CSMD3: variants seen among roughly 807,000 people sequenced by gnomAD.
CSMD3 encodes the protein CUB and Sushi multiple domains 3, also known as CUB and sushi domain-containing protein 3.
In CSMD3, 177 loss-of-function variants were observed where a neutral mutation model predicts 435.2. The ratio of observed to expected loss-of-function variants is 0.41; its 90% CI spans 0.36 to 0.46. CSMD3 has a LOEUF of 0.46. CSMD3 is among the 20% of genes least tolerant of loss of function. The pLI is 0.34. For synonymous variants in CSMD3, 1,656 were observed against 1,520.5 expected, an observed-to-expected ratio of 1.09 and a Z score of -2.07; for missense variants, 4,265 against 4,504.6, an observed-to-expected ratio of 0.95 and a Z score of 1.52.
chr8:112,855,587 G>A (rs1564028261), intron 11 of CSMD3, among the ~76,000 whole-genome samples: 1 of 151,884 alleles, frequency 6.6e-6, no homozygotes, highest in East Asian at 1.9e-4. Context: ...ATAGAGGGAT[G>A]AAAAAATAGA....
chr8:113,030,759 T>C (rs1055151719), intron 5 of CSMD3, among the ~76,000 whole-genome samples: 4 of 151,444 alleles, frequency 2.6e-5, no homozygotes, highest in African/African-American at 9.7e-5. Flanking sequence ...AAAGTGTTAA[T>C]ATATCATACA....
At chr8:112,241,894 A>T (rs1814204456) in intron 65 of CSMD3, 109 bp from the exon 66 acceptor site, 14 of 793,022 alleles carry the variant, frequency 1.8e-5, no homozygotes, top group Admixed American at 7.0e-5. Flanking sequence ...TGTCCATTTT[A>T]TTCTCTGACA....
rs151002550 is a variant in CSMD3, at chr8:113,194,975, A to G, written c.515-21059T>C. Among the ~76,000 whole-genome samples, 477 of 151,244 alleles carry G rather than the reference A, an allele frequency of 3.2e-3. 2 individuals are homozygous for G. The highest frequency in any genetic ancestry group is 9.7e-3 in the African/African-American group (404 of 41,464). On this transcript the variant is annotated intron_variant, in intron 3 of 70. Transcript: ENST00000297405. ...GTTACAGAACCTTCCTCCATCTTCA[A>G]TTGCCCCTGATCTCTTCCATCTACT...
At chr8:113,337,108 T>C (rs1440477528) in intron 1 of CSMD3, among the ~76,000 whole-genome samples, 1 of 152,152 alleles carries the variant, frequency 6.6e-6, no homozygotes, top group Non-Finnish European at 1.5e-5. Flanking sequence ...TTTGTGACTG[T>C]GTCTGTCATT....
At chr8:112,889,422 C>T (rs1470012317) in intron 10 of CSMD3, among the ~76,000 whole-genome samples, 1 of 151,580 alleles carries the variant, frequency 6.6e-6, no homozygotes, top group African/African-American at 2.4e-5. Flanking sequence ...TGAGAAACAT[C>T]AAGGGACTTG....
At chr8:112,515,305 G>A (rs1823555041) in intron 28 of CSMD3, among the ~76,000 whole-genome samples, 1 of 152,076 alleles carries the variant, frequency 6.6e-6, no homozygotes, top group Non-Finnish European at 1.5e-5. Context: ...AAGTTCTACA[G>A]TAAGATTTTG....
At chr8:113,141,187 C>A (rs1175649679) in intron 4 of CSMD3, among the ~76,000 whole-genome samples, 1 of 150,392 alleles carries the variant, frequency 6.6e-6, no homozygotes, top group Non-Finnish European at 1.5e-5. Context: ...TAAAAAAAGT[C>A]CAGAAAAAGA....
At chr8:113,056,105 C>A (rs1435532018) in intron 5 of CSMD3, among the ~76,000 whole-genome samples, 1 of 152,150 alleles carries the variant, frequency 6.6e-6, no homozygotes, top group East Asian at 1.9e-4. Context: ...ATGATGATAA[C>A]TCTTTTGGAC....
At chr8:113,185,272 C>A (rs2092482035) in intron 3 of CSMD3, among the ~76,000 whole-genome samples, 1 of 151,888 alleles carries the variant, frequency 6.6e-6, no homozygotes, top group African/African-American at 2.4e-5. Flanking sequence ...TAGTTGCAGT[C>A]CTGGTCCTAG....
intron 27 of CSMD3, among the ~76,000 whole-genome samples, chr8:112,531,248 T>C (rs910655312): frequency 3.9e-5 from 6 of 152,076 alleles, no homozygotes; most frequent in Non-Finnish European, 5.9e-5. Flanking sequence ...TCAATTCTTC[T>C]AGATCCACCC....
At chr8:112,226,819 T>A (rs980078316) in intron 70 of CSMD3, among the ~76,000 whole-genome samples, 3 of 152,054 alleles carry the variant, frequency 2.0e-5, no homozygotes, top group African/African-American at 7.2e-5. Flanking sequence ...TCACCTATAA[T>A]TATGAAAATG....
intron 13 of CSMD3, among the ~76,000 whole-genome samples, chr8:112,771,258 G>C (rs545181037): frequency 6.6e-6 from 1 of 152,116 alleles, no homozygotes; most frequent in Admixed American, 6.6e-5. Context: ...AGTGTGTGGG[G>C]GCAGAGTGTG....
chr8:112,331,401 T>A (rs1460605448), intron 45 of CSMD3, among the ~76,000 whole-genome samples: 1 of 152,012 alleles, frequency 6.6e-6, no homozygotes, highest in Non-Finnish European at 1.5e-5. Flanking sequence ...GCCTCAACAT[T>A]TACGCTTGTC....
At chr8:113,041,248 G>T (rs1467384851) in intron 5 of CSMD3, among the ~76,000 whole-genome samples, 1 of 150,404 alleles carries the variant, frequency 6.6e-6, no homozygotes, top group Non-Finnish European at 1.5e-5. Flanking sequence ...GAAGTTTTGA[G>T]AAATTTTCTC....
intron 13 of CSMD3, among the ~76,000 whole-genome samples, chr8:112,707,598 T>TC (rs2076527103): frequency 6.6e-6 from 1 of 151,970 alleles, no homozygotes; most frequent in Non-Finnish European, 1.5e-5. Flanking sequence ...AACAATATAA[T>TC]ACTAGGTCTT....
chr8:112,986,996 G>A (rs1587831806), intron 6 of CSMD3, among the ~76,000 whole-genome samples: 1 of 151,962 alleles, frequency 6.6e-6, no homozygotes, highest in African/African-American at 2.4e-5. Context: ...ATATCTGTGT[G>A]TATATATGTA....
chr8:113,088,971 A>T (rs1255731215), intron 5 of CSMD3, among the ~76,000 whole-genome samples: 1 of 152,142 alleles, frequency 6.6e-6, no homozygotes, highest in East Asian at 1.9e-4. Context: ...TGAACATTAA[A>T]CACATATTTT....
chr8:113,399,422 G>A (rs1448728892), intron 1 of CSMD3, among the ~76,000 whole-genome samples: 3 of 151,410 alleles, frequency 2.0e-5, no homozygotes, highest in East Asian at 1.9e-4. Flanking sequence ...CCATCCAAAT[G>A]TTCATTAACT....
At chr8:112,649,845 CA>C (rs2075079383) in intron 19 of CSMD3, among the ~76,000 whole-genome samples, 1 of 152,070 alleles carries the variant, frequency 6.6e-6, no homozygotes, top group East Asian at 1.9e-4. Context: ...TCTTCTCATA[CA>C]AATTTGGCAT....
Sources: gnomAD v4.1 joint callset for allele counts (sites outside exome capture counted in the v4.1 genomes callset) on GRCh38, gnomAD v4.1.1 for gene constraint, MANE v1.5 for transcripts, NCBI Gene and HGNC (gene_info 2026-07-23, HGNC 2026-07-21) for gene names.